PCSK2: variants seen among roughly 807,000 people sequenced by gnomAD.
The protein encoded by PCSK2 is neuroendocrine convertase 2.
Under a neutral mutation model 69.7 loss-of-function variants are expected in PCSK2, and 14 were observed. That is an observed-to-expected ratio of 0.20 (90% CI 0.13 to 0.31). PCSK2 has a LOEUF of 0.31. PCSK2 is among the 10% of genes least tolerant of loss of function. PCSK2 has a pLI of 1.00. For missense variants in PCSK2, 544 were observed against 842.5 expected (o/e 0.65, Z 4.39); for synonymous variants, 307 against 320.7 (o/e 0.96, Z 0.46).
chr20:17,388,152 G>A (rs1202596480), intron 5 of PCSK2, among the ~76,000 whole-genome samples: 1 of 151,644 alleles, frequency 6.6e-6, no homozygotes, highest in African/African-American at 2.4e-5. Flanking sequence ...GTACGGGAAG[G>A]AAAAATATGG....
intron 1 of PCSK2, among the ~76,000 whole-genome samples, chr20:17,231,588 T>C (rs1407465537): frequency 6.6e-6 from 1 of 152,226 alleles, no homozygotes; most frequent in Non-Finnish European, 1.5e-5. Flanking sequence ...TAAAAGGATA[T>C]GCATGCATAC....
At chr20:17,342,301 C>T (rs543319017) in intron 2 of PCSK2, among the ~76,000 whole-genome samples, 3 of 152,228 alleles carry the variant, frequency 2.0e-5, no homozygotes, top group Admixed American at 6.5e-5. Context: ...CAATCTATAA[C>T]GCTCTTGTTT....
intron 2 of PCSK2, among the ~76,000 whole-genome samples, chr20:17,333,797 T>A (rs1990265565): frequency 6.6e-6 from 1 of 151,298 alleles, no homozygotes; most frequent in Non-Finnish European, 1.5e-5. Context: ...ATGATAATAG[T>A]AACAAGGATT....
At chr20:17,280,712 G>A (rs1198697387) in intron 2 of PCSK2, among the ~76,000 whole-genome samples, 1 of 152,172 alleles carries the variant, frequency 6.6e-6, no homozygotes, top group African/African-American at 2.4e-5. Flanking sequence ...GTGATAATGA[G>A]GTACACCTAG....
At chr20:17,315,470 C>T (rs1023789380) in intron 2 of PCSK2, among the ~76,000 whole-genome samples, 4 of 152,192 alleles carry the variant, frequency 2.6e-5, no homozygotes, top group Non-Finnish European at 5.9e-5. Context: ...CCAGAGGGGG[C>T]CTCCCTCCTG....
intron 4 of PCSK2, among the ~76,000 whole-genome samples, chr20:17,366,161 C>T (rs956285569): frequency 1.9e-4 from 29 of 152,150 alleles, no homozygotes; most frequent in Non-Finnish European, 3.4e-4. Context: ...TGACATGCTA[C>T]GCATCTCAAG....
chr20:17,289,144 A>G (rs553592328), intron 2 of PCSK2, among the ~76,000 whole-genome samples: 4 of 152,338 alleles, frequency 2.6e-5, no homozygotes, highest in African/African-American at 9.6e-5. Context: ...TTTTGGATAT[A>G]AATCAATGCA....
At chr20:17,290,847 G>GAGGACC (rs1436916568) in intron 2 of PCSK2, among the ~76,000 whole-genome samples, 4 of 152,130 alleles carry the variant, frequency 2.6e-5, no homozygotes, top group Non-Finnish European at 4.4e-5. Context: ...ACCTTCTTGT[G>GAGGACC]TTAACCCATG....
At chr20:17,478,447 A>G (rs1420255496) in intron 11 of PCSK2, among the ~76,000 whole-genome samples, 2 of 152,236 alleles carry the variant, frequency 1.3e-5, no homozygotes, top group Non-Finnish European at 2.9e-5. Flanking sequence ...TTGTTTAACT[A>G]GGAAATTCAG....
At chr20:17,381,826 T>A (rs545944662) in intron 5 of PCSK2, among the ~76,000 whole-genome samples, 8 of 152,322 alleles carry the variant, frequency 5.3e-5, no homozygotes, top group African/African-American at 1.9e-4. Context: ...ATGTAAAGAA[T>A]GTTCCAGAAC....
At chr20:17,411,150 C>T (rs1478452401) in intron 6 of PCSK2, among the ~76,000 whole-genome samples, 1 of 152,218 alleles carries the variant, frequency 6.6e-6, no homozygotes, top group Non-Finnish European at 1.5e-5. Context: ...CTCTGGTCTG[C>T]AGCTCCCAGC....
chr20:17,431,512 G>A (rs1168477894), intron 7 of PCSK2, among the ~76,000 whole-genome samples: 1 of 152,182 alleles, frequency 6.6e-6, no homozygotes, highest in Non-Finnish European at 1.5e-5. Context: ...GACAGCTAGG[G>A]CATCACAGCA....
chr20:17,342,135 G>T (rs888370866), intron 2 of PCSK2, among the ~76,000 whole-genome samples: 2 of 151,858 alleles, frequency 1.3e-5, no homozygotes, highest in African/African-American at 2.4e-5. Flanking sequence ...GAGTGATAAG[G>T]TGTGTGTCAC....
chr20:17,459,599 A>G (rs964491464), intron 10 of PCSK2, among the ~76,000 whole-genome samples: 3 of 152,220 alleles, frequency 2.0e-5, no homozygotes, highest in African/African-American at 4.8e-5. Flanking sequence ...TTAGTCTTCT[A>G]TATTTTAGCA....
chr20:17,438,713 G>A (rs1391478954), intron 8 of PCSK2, among the ~76,000 whole-genome samples: 1 of 152,148 alleles, frequency 6.6e-6, no homozygotes, highest in African/African-American at 2.4e-5. Context: ...GCATTGCCTT[G>A]ACGATGGAAT....
rs1487570735 is a variant in PCSK2, at chr20:17,483,543, CAG to C, written c.*1478_*1479del. On this transcript the variant is annotated 3_prime_UTR_variant, in exon 12 of 12. Transcript: ENST00000262545. Reference sequence around the variant, plus strand: ...GGCACCATCTCCCTTCCTGTGGGAGCAGAGAGCTTAGCCTGGAGCACCTTTCC... The same window carrying C: ...GGCACCATCTCCCTTCCTGTGGGAGCAGAGCTTAGCCTGGAGCACCTTTCC... The C allele has an allele frequency of 6.6e-6, 1 of 152,194 alleles. No homozygotes were observed. Among genetic ancestry groups the C allele is most frequent in the Non-Finnish European group, 1.5e-5 (1 of 68,052 alleles). 9.4% of individuals were successfully genotyped at this position (152,194 alleles called of 1,614,324 possible).
At chr20:17,409,139 G>T in intron 5 of PCSK2, 124 bp from the exon 6 acceptor site, 1 of 713,830 alleles carries the variant, frequency 1.4e-6, no homozygotes, top group Non-Finnish European at 2.5e-6. Flanking sequence ...TGTGAGGTTT[G>T]GTCCAGTGCA....
intron 2 of PCSK2, among the ~76,000 whole-genome samples, chr20:17,342,793 G>C (rs1374497015): frequency 6.6e-6 from 1 of 151,860 alleles, no homozygotes; most frequent in Non-Finnish European, 1.5e-5. Flanking sequence ...CACCACACCT[G>C]GCTAATTGTT....
chr20:17,455,630 A>C (rs2032905374), intron 9 of PCSK2, among the ~76,000 whole-genome samples: 1 of 152,236 alleles, frequency 6.6e-6, no homozygotes, highest in Non-Finnish European at 1.5e-5. Context: ...AGAAATGCTG[A>C]TGAAGTGGCC....
Sources: gnomAD v4.1 joint callset for allele counts (sites outside exome capture counted in the v4.1 genomes callset) on GRCh38, gnomAD v4.1.1 for gene constraint, MANE v1.5 for transcripts, NCBI Gene and HGNC (gene_info 2026-07-23, HGNC 2026-07-21) for gene names.